Variants in USP34 observed in about 807,000 individuals in gnomAD.
USP34 encodes the protein ubiquitin carboxyl-terminal hydrolase 34.
A neutral mutation model predicts 460.3 loss-of-function variants in USP34; 70 were observed. The ratio of observed to expected loss-of-function variants is 0.15; its 90% CI spans 0.13 to 0.19. USP34 has a LOEUF of 0.19. USP34 is among the 10% of genes least tolerant of loss of function. USP34 has a pLI of 1.00. For synonymous variants in USP34, 1,647 were observed against 1,405.3 expected (o/e 1.17, Z -3.85); for missense variants, 3,985 against 4,236.2 (o/e 0.94, Z 1.65).
Position 61,208,931 on chromosome 2 carries a change from C to G in USP34, c.8887G>C (p.Val2963Leu). Residue 2963 changes from valine (V) to leucine (L), a missense_variant, in exon 70 of 80, where the codon GTA becomes CTA. Val to Leu is a conservative substitution (Grantham distance 32). Transcript: ENST00000398571. ...LESDEDRLLV[V>L]FNRGLILMTE... ...ATTAGAATCAATCCTCGATTAAATA[C>G]AACAAGAAGTCTGTCTTCATCAGAT... 6.3e-7 allele frequency: 1 copy of G among 1,594,718 alleles called. No homozygotes were observed. Among genetic ancestry groups the G allele is most frequent in the Non-Finnish European group, 8.5e-7 (1 of 1,170,870 alleles).
At chr2:61,244,317 T>A (rs1688361875) in intron 51 of USP34, among the ~76,000 whole-genome samples, 3 of 152,134 alleles carry the variant, frequency 2.0e-5, no homozygotes. Context: ...CCAAATGTCT[T>A]TTCAATATCT....
chr2:61,422,772 G>A (rs749795862), intron 1 of USP34, among the ~76,000 whole-genome samples: 2 of 152,180 alleles, frequency 1.3e-5, no homozygotes, highest in Admixed American at 6.5e-5. Context: ...GCCAAGGCGG[G>A]CAGATCACTT....
intron 51 of USP34, 99 bp from the exon 52 acceptor site, chr2:61,241,918 T>C (rs1572864028): frequency 4.6e-6 from 3 of 653,424 alleles, no homozygotes; most frequent in Non-Finnish European, 7.4e-6. Flanking sequence ...TTATACTTAA[T>C]AGTAACTTTG....
intron 1 of USP34, among the ~76,000 whole-genome samples, chr2:61,441,987 TG>T (rs1299101385): frequency 6.6e-6 from 1 of 152,180 alleles, no homozygotes; most frequent in Non-Finnish European, 1.5e-5. Context: ...TACAGTCAAC[TG>T]ATTTTTGACA....
At chr2:61,442,402 AC>A (rs989179929) in intron 1 of USP34, among the ~76,000 whole-genome samples, 3 of 132,612 alleles carry the variant, frequency 2.3e-5, no homozygotes, top group African/African-American at 8.6e-5. Flanking sequence ...AAACATCTTA[AC>A]AGCAAAAAAA....
intron 7 of USP34, 55 bp downstream of exon 7, chr2:61,380,114 T>A: frequency 6.6e-7 from 1 of 1,526,012 alleles, no homozygotes; most frequent in Non-Finnish European, 8.9e-7. Context: ...GGTAGTATTA[T>A]GATAGACCAG....
intron 10 of USP34, among the ~76,000 whole-genome samples, chr2:61,366,927 T>C (rs914439504): frequency 2.0e-5 from 3 of 152,106 alleles, no homozygotes; most frequent in East Asian, 1.9e-4. Context: ...TGTGCATCTG[T>C]AGTCCCAGCT....
intron 41 of USP34, among the ~76,000 whole-genome samples, chr2:61,276,158 G>C (rs948854659): frequency 1.3e-5 from 2 of 152,114 alleles, no homozygotes; most frequent in African/African-American, 4.8e-5. Flanking sequence ...AGTGACATAA[G>C]AATCTGCAGA....
chr2:61,456,648 C>G (rs943819641), intron 1 of USP34, among the ~76,000 whole-genome samples: 3 of 151,860 alleles, frequency 2.0e-5, no homozygotes, highest in African/African-American at 7.3e-5. Context: ...GAAACCCCAT[C>G]TCTACTAAAA....
rs571334422 is a variant in USP34, at chr2:61,398,526, G to A, written c.553-3293C>T. ...GGAAGCAGGGGAAGGAGGCGGAAGC[G>A]GGGAAGGAGGCGGAAGCGGGGGAAG... is the stretch of plus-strand genomic sequence containing the variant. On this transcript the variant is annotated intron_variant, in intron 3 of 79. Transcript: ENST00000398571. 4.9e-4 allele frequency among the ~76,000 whole-genome samples: 50 copies of A among 102,200 alleles called. No individual in the cohort carries two copies. In the South Asian group the frequency reaches 0.017, roughly 34 times the overall value. The allele number at this position is 102,200 out of a possible 152,430, so 67.0% of individuals were successfully genotyped here.
rs779331075 is a variant in USP34, at chr2:61,190,373, C to G, written c.9771G>C (p.Leu3257Phe). 1.2e-6 allele frequency: 2 copies of G among 1,611,878 alleles called. No individual in the cohort carries two copies. Among genetic ancestry groups the G allele is most frequent in the Middle Eastern group, 1.7e-4 (1 of 6,052 alleles). ...TCAAGTTTGTAATAAGAGTGCTGAT[C>G]AAATTGGCACAGTTTGCTTCAGAAA... ...QVFSEANCAN[L>F]ISTLITNLIS... Residue 3257 changes from leucine to phenylalanine, a missense_variant, in exon 78 of 80, where the codon TTG becomes TTC. Physicochemically the swap from Leu to Phe is conservative, Grantham distance 22 (BLOSUM62 0). Around this residue, in one of 14 missense-constraint regions of USP34, gnomAD observed 506 missense variants for 439.0 expected, o/e 1.15. Transcript: ENST00000398571.
In USP34 at chr2:61,214,442, G is replaced by T. The variant is rs754201801; in HGVS notation, c.8300C>A (p.Thr2767Asn). ...ATATGTGGAAAACATCAGCTTCTCA[G>T]TTTTGGAAATTAAACAGTAAGTCAT... is the stretch of plus-strand genomic sequence containing the variant. The part of the protein sequence containing the change: ...SFMTYCLISK[T>N]EKLMFSTYFM... The change falls in exon 68 of 80, where the codon ACT becomes AAT. Residue 2767 changes from threonine (T) to asparagine (N), a missense_variant. This residue lies in a region of USP34 where 604 missense variants were observed against 684.8 expected (regional missense o/e 0.88). Transcript: ENST00000398571. 6.2e-7 allele frequency: 1 copy of T among 1,614,192 alleles called. No individual in the cohort carries two copies. Among genetic ancestry groups the T allele is most frequent in the East Asian group, 2.2e-5 (1 of 44,892 alleles).
intron 2 of USP34, among the ~76,000 whole-genome samples, chr2:61,413,987 G>A (rs1694124200): frequency 1.3e-5 from 2 of 151,288 alleles, no homozygotes. Context: ...GGCCGAGTGA[G>A]TGGCTCACAC....
chr2:61,190,217 G>C (rs1686591193), intron 78 of USP34, 54 bp downstream of exon 78: 1 of 1,537,244 alleles, frequency 6.5e-7, no homozygotes, highest in Non-Finnish European at 8.7e-7. Context: ...AGGCCACACA[G>C]TTAACTGAAG....
chr2:61,310,597 G>A (rs144889979), intron 27 of USP34, among the ~76,000 whole-genome samples: 3 of 149,866 alleles, frequency 2.0e-5, no homozygotes, highest in East Asian at 1.9e-4. Context: ...GGTATCTCTG[G>A]AAAGAGATAA....
At chr2:61,265,792 C>A in intron 42 of USP34, 192 bp downstream of exon 42, 8 of 697,696 alleles carry the variant, frequency 1.1e-5, no homozygotes, top group Non-Finnish European at 1.6e-5. Flanking sequence ...CAGAAAAAGC[C>A]GAAGTATTTA....
intron 37 of USP34, 64 bp from the exon 38 acceptor site, chr2:61,281,306 G>A: frequency 6.5e-7 from 1 of 1,528,046 alleles, no homozygotes; most frequent in South Asian, 1.2e-5. Flanking sequence ...TATGTTAGCA[G>A]AAATAATTTT....
chr2:61,230,915 A>C (rs932909350), intron 58 of USP34, among the ~76,000 whole-genome samples: 1 of 152,136 alleles, frequency 6.6e-6, no homozygotes, highest in East Asian at 1.9e-4. Flanking sequence ...CAAAGAAGTG[A>C]CAAAGTATAT....
chr2:61,313,334 AC>A (rs1176857823), intron 25 of USP34, among the ~76,000 whole-genome samples: 4 of 152,160 alleles, frequency 2.6e-5, no homozygotes, highest in Non-Finnish European at 5.9e-5. Flanking sequence ...TGCTCAAAAA[AC>A]AAATACATTT....
Sources: gnomAD v4.1 joint callset for allele counts (sites outside exome capture counted in the v4.1 genomes callset) on GRCh38, gnomAD v4.1.1 for gene constraint, gnomAD v4.1.1 regional missense constraint, MANE v1.5 for transcripts, NCBI Gene and HGNC (gene_info 2026-07-23, HGNC 2026-07-21) for gene names.